SHANK2: variants seen among roughly 807,000 people sequenced by gnomAD.
SHANK2 encodes the protein SH3 and multiple ankyrin repeat domains protein 2.
SHANK2 carries 43 observed loss-of-function variants against 133.7 expected under a neutral mutation model. That is an observed-to-expected ratio of 0.32 (90% CI 0.25 to 0.41). SHANK2 has a LOEUF of 0.41. Ranked by LOEUF, SHANK2 falls within the 10% of genes least tolerant of loss-of-function variation. The pLI is 1.00. For synonymous variants in SHANK2, 1,017 were observed against 952.8 expected (o/e 1.07, Z -1.24); for missense variants, 1,994 against 2,235.8 (o/e 0.89, Z 2.18).
rs148484216 is a variant in SHANK2, at chr11:71,143,489, C to T, written c.207+3631G>A. On this transcript the variant is annotated intron_variant, in intron 3 of 25. Transcript: ENST00000601538. ...TCAAGGTGGTGGTCCGACTTCTTGT[C>T]TCAGCTCTCATCTTGTAAACAAGCG... Among the ~76,000 whole-genome samples the T allele has an allele frequency of 2.6e-5, 4 of 152,334 alleles. No homozygotes were observed. In the East Asian group the frequency reaches 7.7e-4, roughly 29 times the overall value.
chr11:70,745,449 T>C (rs1555035790), intron 14 of SHANK2, among the ~76,000 whole-genome samples: 1 of 152,064 alleles, frequency 6.6e-6, no homozygotes, highest in African/African-American at 2.4e-5. Context: ...AAAACAAACC[T>C]CCGGGCCTCC....
At chr11:70,816,132 T>G (rs1948390351) in intron 12 of SHANK2, among the ~76,000 whole-genome samples, 1 of 152,240 alleles carries the variant, frequency 6.6e-6, no homozygotes. Context: ...CCGACGTTTC[T>G]GCAGAACCGA....
At chr11:70,753,364 G>A (rs1251021783) in intron 14 of SHANK2, among the ~76,000 whole-genome samples, 3 of 152,028 alleles carry the variant, frequency 2.0e-5, no homozygotes, top group African/African-American at 7.3e-5. Flanking sequence ...CAACAATAAC[G>A]AGCATAATAT....
intron 17 of SHANK2, among the ~76,000 whole-genome samples, chr11:70,573,684 C>CA (rs1261628453): frequency 1.3e-5 from 2 of 152,144 alleles, no homozygotes; most frequent in Non-Finnish European, 2.9e-5. Context: ...CTGGAGTCCA[C>CA]ATCCCACGCA....
rs1555126026 is a variant in SHANK2, at chr11:71,252,539, G to A, written c.-227C>T. 6.6e-6 allele frequency: 1 copy of A among 150,762 alleles called. No homozygotes were observed. The highest frequency in any genetic ancestry group is 1.5e-5 in the Non-Finnish European group (1 of 67,534). The allele number at this position is 150,762 out of a possible 1,614,324, so 9.3% of individuals were successfully genotyped here. On this transcript the variant is annotated 5_prime_UTR_variant, in exon 1 of 26. Coordinates refer to ENST00000601538, the MANE Select transcript of SHANK2 (RefSeq NM_012309.5). The surrounding 1 kb of genome is among the most constrained non-coding windows in gnomAD (Gnocchi z 6.3). ...CCGCGCCCAGCCCCGCCGGAGCTCAGGAGCCGCCGCCGCGGCTCAGGTGCA... is the reference window on the plus strand; with the variant it reads ...CCGCGCCCAGCCCCGCCGGAGCTCAAGAGCCGCCGCCGCGGCTCAGGTGCA...
Position 70,485,644 on chromosome 11 carries a change from G to A in SHANK2, c.4649C>T (p.Pro1550Leu), listed in dbSNP as rs1456054477. The change falls in exon 25 of 26, where the codon CCA becomes CTA. Residue 1550 changes from proline to leucine, a missense_variant. This residue lies in a region of SHANK2 where 797 missense variants were observed against 907.4 expected (regional missense o/e 0.88). Transcript: ENST00000601538. The surrounding 1 kb of genome is among the most constrained non-coding windows in gnomAD (Gnocchi z 5.8). Reference sequence around the variant, plus strand: ...TTTGTGAATGATGGGCTTCATTTTTGGCTTAGGAGGTACTGGGGGTTTGTC... The same window carrying A: ...TTTGTGAATGATGGGCTTCATTTTTAGCTTAGGAGGTACTGGGGGTTTGTC... ...MVDKPPVPPKPKMKPIIHKSN... is the reference protein window; with the variant it reads ...MVDKPPVPPKLKMKPIIHKSN... 2 of 1,614,084 alleles carry A rather than the reference G, an allele frequency of 1.2e-6. No individual in the cohort carries two copies. The highest frequency in any genetic ancestry group is 1.7e-6 in the Non-Finnish European group (2 of 1,180,030).
intron 13 of SHANK2, among the ~76,000 whole-genome samples, chr11:70,801,872 G>T (rs1450760735): frequency 6.6e-6 from 1 of 152,186 alleles, no homozygotes; most frequent in African/African-American, 2.4e-5. Flanking sequence ...TAGAAAAATT[G>T]TCAAGGACCC....
At chr11:71,144,016 G>A (rs1952601110) in intron 3 of SHANK2, among the ~76,000 whole-genome samples, 1 of 151,720 alleles carries the variant, frequency 6.6e-6, no homozygotes, top group African/African-American at 2.4e-5. Context: ...CCAATTAAAA[G>A]CAAAATAACA....
intron 2 of SHANK2, among the ~76,000 whole-genome samples, chr11:71,150,002 A>G (rs1356936730): frequency 1.7e-4 from 1 of 5,930 alleles, no homozygotes. Flanking sequence ...AATGGAGAGG[A>G]AGGGAGAGGA....
intron 11 of SHANK2, among the ~76,000 whole-genome samples, chr11:70,836,924 C>G (rs1948827686): frequency 6.6e-6 from 1 of 152,134 alleles, no homozygotes; most frequent in African/African-American, 2.4e-5. Flanking sequence ...GAGGTGGGAC[C>G]CCATGATGGG....
intron 20 of SHANK2, among the ~76,000 whole-genome samples, chr11:70,501,442 G>T (rs1305747871): frequency 6.6e-6 from 1 of 152,256 alleles, no homozygotes; most frequent in Non-Finnish European, 1.5e-5. Flanking sequence ...TTGGGCGGGG[G>T]CTCGTTTCTG....
At chr11:71,183,450 G>C (rs1953604453) in intron 2 of SHANK2, among the ~76,000 whole-genome samples, 1 of 152,172 alleles carries the variant, frequency 6.6e-6, no homozygotes, top group Non-Finnish European at 1.5e-5. Context: ...GCATGCTTTA[G>C]AACGGTGTCA....
Position 70,818,936 on chromosome 11 carries a change from C to T in SHANK2, c.1493+1428G>A, listed in dbSNP as rs1326791085. Among the ~76,000 whole-genome samples the T allele has an allele frequency of 4.6e-5, 7 of 152,370 alleles. No individual in the cohort carries two copies. The East Asian group carries it at 5.8e-4, about 13-fold the overall frequency. ...GGCACTGACCCTCCTCAAACTCACA[C>T]GGAGCTTGCCAGGTGGAGCCCCTGG... On this transcript the variant is annotated intron_variant, in intron 12 of 25. Coordinates refer to ENST00000601538, the MANE Select transcript of SHANK2 (RefSeq NM_012309.5).
chr11:70,531,499 G>C (rs1243848552), intron 17 of SHANK2, among the ~76,000 whole-genome samples: 1 of 152,234 alleles, frequency 6.6e-6, no homozygotes, highest in Non-Finnish European at 1.5e-5. Context: ...CCCAGGTCAC[G>C]GTTGAGGGTG....
At chr11:70,948,082 G>A (rs1251005306) in intron 10 of SHANK2, among the ~76,000 whole-genome samples, 3 of 151,994 alleles carry the variant, frequency 2.0e-5, no homozygotes, top group African/African-American at 7.2e-5. Context: ...TCTTTGAGAT[G>A]CCTTTCCCTC....
intron 13 of SHANK2, among the ~76,000 whole-genome samples, chr11:70,805,987 G>A (rs573942791): frequency 1.3e-5 from 2 of 152,344 alleles, no homozygotes; most frequent in Admixed American, 6.5e-5. Flanking sequence ...GCAAGAGGGC[G>A]GGGCTCTGCC....
At chr11:71,065,836 C>A (rs1282094680) in intron 9 of SHANK2, among the ~76,000 whole-genome samples, 5 of 32,952 alleles carry the variant, frequency 1.5e-4, no homozygotes, top group East Asian at 7.5e-4. Context: ...GGGGGCGGGG[C>A]ATACAGAACT....
intron 10 of SHANK2, among the ~76,000 whole-genome samples, chr11:70,939,246 G>A (rs1379776400): frequency 7.9e-5 from 12 of 152,096 alleles, no homozygotes; most frequent in Non-Finnish European, 1.5e-4. Context: ...AGGCCAAGGC[G>A]GGCAGATCAC....
intron 17 of SHANK2, among the ~76,000 whole-genome samples, chr11:70,558,073 G>A (rs1554980005): frequency 6.6e-6 from 1 of 152,212 alleles, no homozygotes; most frequent in African/African-American, 2.4e-5. Context: ...AGGGGGCCCG[G>A]GGTCCATGCT....
Sources: allele counts gnomAD v4.1 joint callset (sites outside exome capture counted in the v4.1 genomes callset), GRCh38; gene constraint gnomAD v4.1.1; regional missense constraint gnomAD v4.1.1; non-coding constraint Gnocchi (gnomAD v3.1); transcripts MANE v1.5; gene names NCBI Gene and HGNC (gene_info 2026-07-23, HGNC 2026-07-21).